XKR6: variants seen among roughly 807,000 people sequenced by gnomAD.
The protein encoded by XKR6 is XK related 6, also known as XK-related protein 6.
XKR6 carries 22 observed loss-of-function variants against 56.7 expected under a neutral mutation model. The ratio of observed to expected loss-of-function variants is 0.39; its 90% CI spans 0.28 to 0.55. The LOEUF (loss-of-function observed/expected upper bound fraction) is 0.55, where lower values mean the gene tolerates loss of function less well. Among genes scored for constraint, XKR6 ranks in the 20% least tolerant of loss-of-function variants. The probability of loss-of-function intolerance (pLI) is 0.66; values close to 1 mark genes in which losing one functional copy is unlikely to be tolerated. For synonymous variants in XKR6, 524 were observed against 387.8 expected, an observed-to-expected ratio of 1.35 and a Z score of -4.13; for missense variants, 852 against 889.0, an observed-to-expected ratio of 0.96 and a Z score of 0.53.
chr8:11,095,007 T>A (rs544357885), intron 1 of XKR6, among the ~76,000 whole-genome samples: 1 of 152,156 alleles, frequency 6.6e-6, no homozygotes, highest in Non-Finnish European at 1.5e-5. Flanking sequence ...GTAACAAACC[T>A]GCACATCCTG....
intron 1 of XKR6, among the ~76,000 whole-genome samples, chr8:10,998,479 T>C (rs1227411514): frequency 6.6e-6 from 1 of 152,164 alleles, no homozygotes; most frequent in Non-Finnish European, 1.5e-5. Context: ...CTGACAGGCC[T>C]GGTAAGAGCT....
chr8:11,179,113 TC>T (rs1276718585), intron 1 of XKR6, among the ~76,000 whole-genome samples: 1 of 144,292 alleles, frequency 6.9e-6, no homozygotes, highest in Non-Finnish European at 1.5e-5. Flanking sequence ...CGCATCAGCC[TC>T]CCAAAGTGCT....
chr8:10,954,867 T>C (rs11997013), intron 1 of XKR6, among the ~76,000 whole-genome samples: 20 of 57,374 alleles, frequency 3.5e-4, no homozygotes, highest in African/African-American at 6.9e-4. Flanking sequence ...CTTCATTCTC[T>C]TTTTTTTTTT....
intron 1 of XKR6, among the ~76,000 whole-genome samples, chr8:11,156,345 A>G (rs1801517910): frequency 1.3e-5 from 2 of 152,156 alleles, no homozygotes; most frequent in African/African-American, 4.8e-5. Context: ...AGCTTTCCCT[A>G]CCATCTCATC....
intron 1 of XKR6, among the ~76,000 whole-genome samples, chr8:11,022,213 G>T (rs553233253): frequency 1.3e-5 from 2 of 151,400 alleles, no homozygotes; most frequent in Non-Finnish European, 2.9e-5. Flanking sequence ...AACAGTAGGT[G>T]CCAGTAGCAC....
intron 2 of XKR6, among the ~76,000 whole-genome samples, chr8:10,916,242 C>T (rs1391354377): frequency 6.6e-6 from 1 of 152,218 alleles, no homozygotes; most frequent in Non-Finnish European, 1.5e-5. Flanking sequence ...TTTTACTTCT[C>T]ATTCCTAAGG....
At chr8:10,952,643 C>T (rs974759530) in intron 1 of XKR6, among the ~76,000 whole-genome samples, 3 of 152,098 alleles carry the variant, frequency 2.0e-5, no homozygotes, top group Non-Finnish European at 2.9e-5. Context: ...TTTGTAGAGA[C>T]GGTTATACAG....
At chr8:11,007,480 G>A (rs753259003) in intron 1 of XKR6, among the ~76,000 whole-genome samples, 3 of 152,232 alleles carry the variant, frequency 2.0e-5, no homozygotes, top group East Asian at 1.9e-4. Flanking sequence ...CCTCCACTGC[G>A]GCCTCTCGCA....
intron 1 of XKR6, among the ~76,000 whole-genome samples, chr8:11,059,331 T>A (rs6983301): frequency 0.39 from 59,707 of 152,150 alleles, 14,770 homozygotes; most frequent in African/African-American, 0.71. Flanking sequence ...AAGTAAAAGG[T>A]ATGAGCGCCC....
rs1010655760 is a variant in XKR6, at chr8:10,964,947, C to G, written c.765-40117G>C. Among the ~76,000 whole-genome samples the G allele has an allele frequency of 4.6e-5, 7 of 152,250 alleles. No homozygotes were observed. The East Asian group carries it at 5.8e-4, about 13-fold the overall frequency. ...CTGTTAAACCCAGAATCCACATCCC[C>G]GTGCAGGTGTGTTTACAGGCTTCCT... On this transcript the variant is annotated intron_variant, in intron 1 of 2. Coordinates refer to ENST00000416569, the MANE Select transcript of XKR6 (RefSeq NM_173683.4).
intron 1 of XKR6, among the ~76,000 whole-genome samples, chr8:11,035,939 C>CTTTTT (rs58989028): frequency 4.9e-5 from 5 of 101,612 alleles, no homozygotes; most frequent in Admixed American, 1.2e-4. Context: ...CTGTGAAAGT[C>CTTTTT]TTTTTTTTTT....
intron 1 of XKR6, among the ~76,000 whole-genome samples, chr8:11,120,216 C>T (rs1046262351): frequency 9.2e-5 from 14 of 152,212 alleles, no homozygotes; most frequent in African/African-American, 3.4e-4. Flanking sequence ...AAATAAAGGG[C>T]ATTCAAGTAA....
chr8:11,184,380 T>TAC (rs1563202233), intron 1 of XKR6, among the ~76,000 whole-genome samples: 1 of 128,782 alleles, frequency 7.8e-6, no homozygotes, highest in Non-Finnish European at 1.6e-5. Flanking sequence ...TATATATATA[T>TAC]ACACACATAC....
At position 10,897,682 on chromosome 8, in the gene XKR6, T is replaced by TA. The variant is rs371693455; in HGVS notation, c.*269dup. On this transcript the variant is annotated 3_prime_UTR_variant, in exon 3 of 3. Coordinates refer to ENST00000416569, the MANE Select transcript of XKR6 (RefSeq NM_173683.4). ...ATTTTTCAATACTGTTTCTTATGTG[T>TA]AAAAAACAAAAGAAAGGTTTTCTTT... 2.8e-6 allele frequency: 1 copy of TA among 360,440 alleles called. No homozygotes were observed. Among genetic ancestry groups the TA allele is most frequent in the Non-Finnish European group, 4.9e-6 (1 of 203,224 alleles). The allele number at this position is 360,440 out of a possible 1,614,324, so 22.3% of individuals were successfully genotyped here.
intron 1 of XKR6, among the ~76,000 whole-genome samples, chr8:10,943,709 C>T (rs1801452863): frequency 6.6e-6 from 1 of 152,168 alleles, no homozygotes; most frequent in Non-Finnish European, 1.5e-5. Context: ...GATGAAGAGA[C>T]CAAAGCAAGA....
chr8:11,121,320 C>T (rs370843480), intron 1 of XKR6, among the ~76,000 whole-genome samples: 27 of 152,102 alleles, frequency 1.8e-4, no homozygotes, highest in South Asian at 1.0e-3. Context: ...GAATCTACAA[C>T]GAACTCAAAC....
At chr8:11,197,043 G>C (rs1035748332) in intron 1 of XKR6, among the ~76,000 whole-genome samples, 1 of 152,170 alleles carries the variant, frequency 6.6e-6, no homozygotes, top group Non-Finnish European at 1.5e-5. Context: ...CAGAGCTGTA[G>C]ACCGCTCAAC....
chr8:11,182,999 T>C lies in XKR6; in HGVS notation c.764+17577A>G, dbSNP rs373851052. ...CTTTTATGGTGGCCTTATTTCACTT[T>C]GCAGAATGTCCTCCAGGTTCATCCA... On this transcript the variant is annotated intron_variant, in intron 1 of 2. Coordinates refer to ENST00000416569, the MANE Select transcript of XKR6 (RefSeq NM_173683.4). Among the ~76,000 whole-genome samples, 5 of 152,366 alleles carry C rather than the reference T, an allele frequency of 3.3e-5. No individual in the cohort carries two copies. In the East Asian group the frequency reaches 9.6e-4, roughly 29 times the overall value.
intron 1 of XKR6, among the ~76,000 whole-genome samples, chr8:10,958,283 G>C (rs1801957675): frequency 6.6e-6 from 1 of 152,260 alleles, no homozygotes; most frequent in Admixed American, 6.5e-5. Context: ...TGAAGAGCCT[G>C]GGAAACAGAG....
Sources: gnomAD v4.1 joint callset for allele counts (sites outside exome capture counted in the v4.1 genomes callset) on GRCh38, gnomAD v4.1.1 for gene constraint, MANE v1.5 for transcripts, NCBI Gene and HGNC (gene_info 2026-07-23, HGNC 2026-07-21) for gene names.